The following KCNB2 variants were observed in gnomAD, a reference collection of about 807,000 sequenced individuals.
KCNB2 encodes potassium voltage-gated channel subfamily B member 2, also known as delayed rectifier potassium channel protein.
KCNB2 carries 15 observed loss-of-function variants against 61.5 expected under a neutral mutation model. The ratio of observed to expected loss-of-function variants is 0.24; its 90% CI spans 0.16 to 0.38. KCNB2 has a LOEUF of 0.38. Ranked by LOEUF, KCNB2 falls within the 10% of genes least tolerant of loss-of-function variation. The pLI, the probability that KCNB2 is intolerant of heterozygous loss-of-function variation, is 1.00. For missense variants in KCNB2, 828 were observed against 1,125.2 expected, an observed-to-expected ratio of 0.74 and a Z score of 3.78; for synonymous variants, 457 against 446.0, an observed-to-expected ratio of 1.02 and a Z score of -0.31.
chr8:72,581,209 G>C (rs930361064), intron 2 of KCNB2, among the ~76,000 whole-genome samples: 1 of 152,102 alleles, frequency 6.6e-6, no homozygotes, highest in African/African-American at 2.4e-5. Context: ...ACACCTGCAC[G>C]TACCTGGCAC....
At chr8:72,706,898 G>T (rs565104215) in intron 2 of KCNB2, among the ~76,000 whole-genome samples, 41 of 152,274 alleles carry the variant, frequency 2.7e-4, no homozygotes, top group Non-Finnish European at 5.1e-4. Context: ...TTTGTTAAGG[G>T]TTTGTGCTGC....
chr8:72,663,479 A>T (rs976356266), intron 2 of KCNB2, among the ~76,000 whole-genome samples: 18 of 152,180 alleles, frequency 1.2e-4, no homozygotes, highest in Non-Finnish European at 2.5e-4. Flanking sequence ...AATGTGTGCC[A>T]TGCTGGGTGT....
At chr8:72,863,778 G>A (rs749687052) in intron 2 of KCNB2, among the ~76,000 whole-genome samples, 2 of 152,242 alleles carry the variant, frequency 1.3e-5, no homozygotes, top group Non-Finnish European at 2.9e-5. Flanking sequence ...AGGAGGCCAA[G>A]GCAGGCAGAT....
chr8:72,763,263 T>C (rs1808413826), intron 2 of KCNB2, among the ~76,000 whole-genome samples: 1 of 151,898 alleles, frequency 6.6e-6, no homozygotes, highest in Admixed American at 6.6e-5. Context: ...TTCACTAAGG[T>C]GCAGATTCCT....
chr8:72,609,088 C>T (rs1805499087), intron 2 of KCNB2, among the ~76,000 whole-genome samples: 1 of 152,150 alleles, frequency 6.6e-6, no homozygotes, highest in African/African-American at 2.4e-5. Flanking sequence ...AGGTTATGGT[C>T]TAACACCTCT....
chr8:72,589,263 C>T (rs898402462), intron 2 of KCNB2, among the ~76,000 whole-genome samples: 1 of 151,830 alleles, frequency 6.6e-6, no homozygotes, highest in Non-Finnish European at 1.5e-5. Context: ...ATTTAATTCA[C>T]TTAGAAGATT....
chr8:72,807,003 G>C (rs1357169023), intron 2 of KCNB2, among the ~76,000 whole-genome samples: 1 of 152,210 alleles, frequency 6.6e-6, no homozygotes, highest in African/African-American at 2.4e-5. Flanking sequence ...ACATCTTAAT[G>C]GTGGCTAGAA....
rs374910217 is a variant in KCNB2 at position 72,563,757 on chromosome 8, A to G, written c.-93-3885A>G. On this transcript the variant is annotated intron_variant, in intron 1 of 2. Transcript: ENST00000523207. The stretch of plus-strand genomic sequence containing the variant: ...TCAGGGCTGATGCTCTGCAGCTTGC[A>G]TTTATTATGGGCTTATTCTGAAGGC... Among the ~76,000 whole-genome samples the G allele has an allele frequency of 7.9e-5, 12 of 152,258 alleles. No individual in the cohort carries two copies. In the South Asian group the frequency reaches 1.0e-3, roughly 13 times the overall value.
intron 2 of KCNB2, among the ~76,000 whole-genome samples, chr8:72,886,256 C>G (rs1805805202): frequency 6.6e-6 from 1 of 152,184 alleles, no homozygotes; most frequent in Non-Finnish European, 1.5e-5. Flanking sequence ...CTCCCTGTTA[C>G]TCCGATCTGC....
At chr8:72,762,141 C>A (rs1462429962) in intron 2 of KCNB2, among the ~76,000 whole-genome samples, 2 of 152,218 alleles carry the variant, frequency 1.3e-5, no homozygotes, top group Non-Finnish European at 2.9e-5. Flanking sequence ...AACAAACATG[C>A]AACCATGTCA....
chr8:72,729,905 C>T (rs1007042828), intron 2 of KCNB2, among the ~76,000 whole-genome samples: 1 of 151,918 alleles, frequency 6.6e-6, no homozygotes, highest in Non-Finnish European at 1.5e-5. Context: ...AAAGATTACA[C>T]ACATATATAT....
At chr8:72,734,529 G>C (rs995353184) in intron 2 of KCNB2, among the ~76,000 whole-genome samples, 18 of 152,128 alleles carry the variant, frequency 1.2e-4, no homozygotes, top group African/African-American at 4.1e-4. Context: ...CACTGAAAAG[G>C]TATTTTTAAG....
At chr8:72,599,225 AG>A (rs1259322634) in intron 2 of KCNB2, among the ~76,000 whole-genome samples, 5 of 152,226 alleles carry the variant, frequency 3.3e-5, no homozygotes, top group Non-Finnish European at 7.3e-5. Flanking sequence ...TAACCAAAAC[AG>A]CATGGTACTG....
intron 2 of KCNB2, among the ~76,000 whole-genome samples, chr8:72,597,491 AC>A (rs1807218378): frequency 6.6e-6 from 1 of 152,228 alleles, no homozygotes; most frequent in Admixed American, 6.5e-5. Flanking sequence ...AGTTTCATGA[AC>A]ATTTTTTAAA....
At chr8:72,548,033 C>G (rs1027887808) in intron 1 of KCNB2, among the ~76,000 whole-genome samples, 8 of 152,132 alleles carry the variant, frequency 5.3e-5, no homozygotes, top group East Asian at 1.9e-4. Context: ...GCAAGACCAT[C>G]CATTAGCAAA....
At chr8:72,618,523 T>G (rs1805655838) in intron 2 of KCNB2, among the ~76,000 whole-genome samples, 1 of 152,198 alleles carries the variant, frequency 6.6e-6, no homozygotes, top group Admixed American at 6.5e-5. Context: ...AGAAAAGGTA[T>G]TTTAATACGA....
intron 2 of KCNB2, among the ~76,000 whole-genome samples, chr8:72,762,202 A>G (rs1027342479): frequency 1.3e-5 from 2 of 152,150 alleles, no homozygotes; most frequent in African/African-American, 2.4e-5. Flanking sequence ...TTCGCAGCCA[A>G]TGTGACTTTC....
At chr8:72,873,743 T>G (rs1013020793) in intron 2 of KCNB2, among the ~76,000 whole-genome samples, 3 of 152,256 alleles carry the variant, frequency 2.0e-5, no homozygotes, top group Non-Finnish European at 4.4e-5. Context: ...CACAATGTAG[T>G]GGGCATGCCT....
At chr8:72,825,213 T>C (rs1400225945) in intron 2 of KCNB2, among the ~76,000 whole-genome samples, 2 of 152,208 alleles carry the variant, frequency 1.3e-5, no homozygotes, top group East Asian at 1.9e-4. Context: ...CATGTTGGAG[T>C]ATACATCAGA....
Sources: gnomAD v4.1 joint callset for allele counts (sites outside exome capture counted in the v4.1 genomes callset) on GRCh38, gnomAD v4.1.1 for gene constraint, MANE v1.5 for transcripts, NCBI Gene and HGNC (gene_info 2026-07-23, HGNC 2026-07-21) for gene names.